ACTA2: variants seen among roughly 807,000 people sequenced by gnomAD.
ACTA2 encodes actin, aortic smooth muscle.
A neutral mutation model predicts 39.5 loss-of-function variants in ACTA2; 12 were observed. That is an observed-to-expected ratio of 0.30 (90% CI 0.19 to 0.49). The LOEUF is 0.49. Ranked by LOEUF, ACTA2 falls within the 20% of genes least tolerant of loss-of-function variation. ACTA2 has a pLI of 0.99. For synonymous variants in ACTA2, 158 were observed against 180.6 expected, an observed-to-expected ratio of 0.88 and a Z score of 1.00; for missense variants, 236 against 498.8, an observed-to-expected ratio of 0.47 and a Z score of 5.02.
At chr10:88,948,417 A>C (rs1260789554) in intron 2 of ACTA2, 1 of 200,006 alleles carries the variant, frequency 5.0e-6, no homozygotes, top group East Asian at 1.1e-4. Context: ...CTTTCATCTA[A>C]CATCAGCCCT....
At chr10:88,974,321 C>T (rs1298783458) in intron 1 of ACTA2, 2 of 151,644 alleles carry the variant, frequency 1.3e-5, no homozygotes, top group Admixed American at 1.3e-4. Context: ...ATGTTCTTGA[C>T]ATTTTCCCCA....
chr10:88,960,917 A>G (rs1846217161), intron 1 of ACTA2, among the ~76,000 whole-genome samples: 1 of 152,168 alleles, frequency 6.6e-6, no homozygotes, highest in South Asian at 2.1e-4. Context: ...GGCTTTGGTA[A>G]AGCTACAGTT....
At chr10:88,955,219 G>A (rs74566495), upstream of ACTA2, among the ~76,000 whole-genome samples, 2,082 of 152,252 alleles carry the variant, frequency 0.014, 54 homozygotes, top group African/African-American at 0.048. Flanking sequence ...TTCCTTGAGC[G>A]CTGGGGCAGC....
intron 1 of ACTA2, among the ~76,000 whole-genome samples, chr10:88,983,179 G>C (rs1482098736): frequency 5.9e-5 from 9 of 152,154 alleles, no homozygotes; most frequent in Non-Finnish European, 5.9e-5. Flanking sequence ...AATCCAATTT[G>C]CATGGCTATG....
intron 1 of ACTA2, among the ~76,000 whole-genome samples, chr10:88,978,253 G>A (rs1387740700): frequency 2.5e-5 from 3 of 117,692 alleles, no homozygotes; most frequent in East Asian, 2.9e-4. Flanking sequence ...CTGTTGTGGG[G>A]TGGGGGGAGG....
intron 1 of ACTA2, chr10:88,974,573 A>G (rs1441355915): frequency 2.0e-5 from 3 of 152,130 alleles, no homozygotes; most frequent in African/African-American, 7.2e-5. Context: ...GCTGATCTTG[A>G]ACTCCTGGCC....
intron 1 of ACTA2, among the ~76,000 whole-genome samples, chr10:88,967,422 A>G (rs564039318): frequency 5.3e-4 from 80 of 152,286 alleles, no homozygotes; most frequent in African/African-American, 1.9e-3. Flanking sequence ...AATGAGAAGG[A>G]TGTAACACCT....
At chr10:88,969,869 C>A (rs1332539708) in intron 1 of ACTA2, among the ~76,000 whole-genome samples, 2 of 152,136 alleles carry the variant, frequency 1.3e-5, no homozygotes, top group African/African-American at 4.8e-5. Flanking sequence ...ATAGGAGGGG[C>A]TCAGTAAATA....
intron 1 of ACTA2, among the ~76,000 whole-genome samples, chr10:88,985,178 AC>A (rs1159745916): frequency 6.6e-6 from 1 of 152,226 alleles, no homozygotes; most frequent in African/African-American, 2.4e-5. Flanking sequence ...ACTTATGTTT[AC>A]CAGGTGAGAA....
chr10:88,965,257 A>T (rs1846299775), intron 1 of ACTA2, among the ~76,000 whole-genome samples: 2 of 151,330 alleles, frequency 1.3e-5, no homozygotes, highest in South Asian at 4.1e-4. Context: ...CAGTGTGTTC[A>T]TTTTTCCCTT....
chr10:88,976,711 G>A (rs2133336321), intron 1 of ACTA2, among the ~76,000 whole-genome samples: 1 of 152,286 alleles, frequency 6.6e-6, no homozygotes, highest in Middle Eastern at 3.4e-3. Context: ...TAACAAAATT[G>A]TATTCATAAT....
intron 1 of ACTA2, among the ~76,000 whole-genome samples, chr10:88,980,203 C>T (rs1326430636): frequency 3.3e-5 from 5 of 151,758 alleles, no homozygotes; most frequent in African/African-American, 1.2e-4. Context: ...GGAACATGAG[C>T]AGGAATTAAA....
intron 3 of ACTA2, 160 bp downstream of exon 3, chr10:88,947,095 ATTT>A: frequency 2.0e-6 from 2 of 1,007,634 alleles, no homozygotes; most frequent in South Asian, 3.3e-5. Flanking sequence ...GGCTACAAGG[ATTT>A]TTTTTTCAAT....
At chr10:88,988,286 A>G (rs1331773495) in intron 1 of ACTA2, among the ~76,000 whole-genome samples, 1 of 152,244 alleles carries the variant, frequency 6.6e-6, no homozygotes, top group Non-Finnish European at 1.5e-5. Flanking sequence ...TCATGGATAT[A>G]CACTATAGCT....
intron 1 of ACTA2, among the ~76,000 whole-genome samples, chr10:88,981,333 C>A (rs1023647607): frequency 2.0e-5 from 3 of 151,878 alleles, no homozygotes; most frequent in African/African-American, 7.3e-5. Context: ...GCAGTTAAAC[C>A]CTTGATAAAT....
chr10:88,965,721 A>T (rs1288916093), intron 1 of ACTA2, among the ~76,000 whole-genome samples: 8 of 152,116 alleles, frequency 5.3e-5, no homozygotes, highest in African/African-American at 1.9e-4. Flanking sequence ...CAAAGCACAG[A>T]TTTTCCCAGG....
At chr10:88,944,743 C>T (rs1759500612) in intron 3 of ACTA2, among the ~76,000 whole-genome samples, 1 of 152,186 alleles carries the variant, frequency 6.6e-6, no homozygotes, top group Non-Finnish European at 1.5e-5. Context: ...GTACTTTGGA[C>T]ATAACTACAT....
chr10:88,937,678 C>T (rs749427659), intron 8 of ACTA2, among the ~76,000 whole-genome samples: 14 of 152,140 alleles, frequency 9.2e-5, no homozygotes, highest in Non-Finnish European at 1.9e-4. Context: ...GTTTGAAGTT[C>T]TTCAGAAATA....
upstream of ACTA2, among the ~76,000 whole-genome samples, chr10:88,956,731 G>A (rs576153538): frequency 6.6e-6 from 1 of 152,336 alleles, no homozygotes; most frequent in South Asian, 2.1e-4. Flanking sequence ...GGCATCAGAT[G>A]TACTTACTAC....
Sources: gnomAD v4.1 joint callset for allele counts (sites outside exome capture counted in the v4.1 genomes callset) on GRCh38, gnomAD v4.1.1 for gene constraint, MANE v1.5 for transcripts, NCBI Gene and HGNC (gene_info 2026-07-23, HGNC 2026-07-21) for gene names.